Variants in NRF1 observed in about 807,000 individuals in gnomAD.
NRF1 encodes alpha palindromic-binding protein.
Under a neutral mutation model 58.5 loss-of-function variants are expected in NRF1, and 5 were observed. That is an observed-to-expected ratio of 0.09 (90% confidence interval 0.04 to 0.18). NRF1 has a LOEUF of 0.18. Ranked by LOEUF, NRF1 falls within the 10% of genes least tolerant of loss-of-function variation. The pLI, the probability that NRF1 is intolerant of heterozygous loss-of-function variation, is 1.00. For synonymous variants in NRF1, 224 were observed against 246.7 expected, an observed-to-expected ratio of 0.91 and a Z score of 0.86; for missense variants, 288 against 657.7, an observed-to-expected ratio of 0.44 and a Z score of 6.15.
At chr7:129,674,221 A>C (rs1402148359) in intron 3 of NRF1, among the ~76,000 whole-genome samples, 1 of 152,216 alleles carries the variant, frequency 6.6e-6, no homozygotes, top group Non-Finnish European at 1.5e-5. Flanking sequence ...TATCACAATG[A>C]AAATCTGAAG....
intron 4 of NRF1, among the ~76,000 whole-genome samples, chr7:129,687,136 C>G (rs1212496377): frequency 6.6e-6 from 1 of 152,154 alleles, no homozygotes; most frequent in South Asian, 2.1e-4. Flanking sequence ...CTTCTTGTTT[C>G]AGTCATCATT....
At chr7:129,639,679 C>G (rs1801246425) in intron 1 of NRF1, among the ~76,000 whole-genome samples, 1 of 151,754 alleles carries the variant, frequency 6.6e-6, no homozygotes, top group Admixed American at 6.6e-5. Flanking sequence ...TCCCGAGTAG[C>G]TGGGATTATA....
chr7:129,635,631 G>A (rs1011384667), intron 1 of NRF1, among the ~76,000 whole-genome samples: 6 of 152,100 alleles, frequency 3.9e-5, no homozygotes, highest in South Asian at 4.2e-4. Flanking sequence ...CTTTTGGACC[G>A]CAGGGTTCAG....
At chr7:129,647,433 C>T (rs1353526652) in intron 1 of NRF1, among the ~76,000 whole-genome samples, 6 of 143,748 alleles carry the variant, frequency 4.2e-5, no homozygotes, top group Non-Finnish European at 7.5e-5. Context: ...GACAGAGTCT[C>T]GCTGTGTTGC....
chr7:129,738,365 G>C (rs1248024036), intron 10 of NRF1, among the ~76,000 whole-genome samples: 1 of 152,192 alleles, frequency 6.6e-6, no homozygotes, highest in Non-Finnish European at 1.5e-5. Flanking sequence ...CTTTTCCTGG[G>C]AACTGTATGT....
chr7:129,678,607 A>G (rs1802237755), intron 4 of NRF1, among the ~76,000 whole-genome samples: 1 of 152,144 alleles, frequency 6.6e-6, no homozygotes, highest in Non-Finnish European at 1.5e-5. Context: ...AAGCCCTACA[A>G]TTAGGATGTG....
At chr7:129,689,212 G>A (rs1009389797) in intron 4 of NRF1, among the ~76,000 whole-genome samples, 4 of 152,126 alleles carry the variant, frequency 2.6e-5, no homozygotes, top group Non-Finnish European at 5.9e-5. Context: ...GCACCATGTA[G>A]CCAGTAATAA....
chr7:129,754,455 C>A (rs527507931), intron 10 of NRF1, among the ~76,000 whole-genome samples: 5 of 21,632 alleles, frequency 2.3e-4, no homozygotes, highest in Non-Finnish European at 4.7e-4. Flanking sequence ...AGAGCCAGAC[C>A]CTGTCTCTTA....
intron 3 of NRF1, among the ~76,000 whole-genome samples, chr7:129,672,440 T>A (rs1352039320): frequency 6.6e-6 from 1 of 152,074 alleles, no homozygotes; most frequent in Non-Finnish European, 1.5e-5. Context: ...ATCTGACTTA[T>A]ATTTTTAAAG....
At chr7:129,636,471 C>T (rs1801171014) in intron 1 of NRF1, among the ~76,000 whole-genome samples, 1 of 152,146 alleles carries the variant, frequency 6.6e-6, no homozygotes, top group Admixed American at 6.5e-5. Context: ...TGACCTCAAA[C>T]TGCTGACCTC....
intron 10 of NRF1, among the ~76,000 whole-genome samples, chr7:129,750,433 T>G (rs911249276): frequency 2.6e-5 from 4 of 152,220 alleles, no homozygotes; most frequent in African/African-American, 9.6e-5. Flanking sequence ...TCAGAGACAC[T>G]GAGGCGATTT....
chr7:129,615,957 G>C, intron 1 of NRF1, among the ~76,000 whole-genome samples: 1 of 152,130 alleles, frequency 6.6e-6, no homozygotes, highest in East Asian at 1.9e-4. Flanking sequence ...TTTGTTTGAA[G>C]TTATTTTAGT....
chr7:129,667,253 C>T (rs942045465), intron 2 of NRF1, among the ~76,000 whole-genome samples: 1 of 152,172 alleles, frequency 6.6e-6, no homozygotes, highest in African/African-American at 2.4e-5. Flanking sequence ...TCGGTGTTAC[C>T]AGTCTTTTTC....
At chr7:129,714,997 T>C (rs1215146090) in intron 8 of NRF1, among the ~76,000 whole-genome samples, 1 of 152,164 alleles carries the variant, frequency 6.6e-6, no homozygotes, top group Non-Finnish European at 1.5e-5. Flanking sequence ...CCTGAGCTGA[T>C]GGATCACCTG....
At chr7:129,653,669 A>G (rs1198125480) in intron 1 of NRF1, among the ~76,000 whole-genome samples, 1 of 152,106 alleles carries the variant, frequency 6.6e-6, no homozygotes, top group East Asian at 1.9e-4. Flanking sequence ...GGCAACCTCT[A>G]ATCTTTTTAC....
chr7:129,652,283 G>T (rs969816134), intron 1 of NRF1, among the ~76,000 whole-genome samples: 1 of 152,156 alleles, frequency 6.6e-6, no homozygotes, highest in African/African-American at 2.4e-5. Flanking sequence ...GTAAACTCCA[G>T]ATGTGTAGTG....
At chr7:129,625,039 T>C (rs1435127694) in intron 1 of NRF1, among the ~76,000 whole-genome samples, 1 of 152,126 alleles carries the variant, frequency 6.6e-6, no homozygotes, top group African/African-American at 2.4e-5. Flanking sequence ...TTCTGGAGGC[T>C]AGGAGTCTGG....
At position 129,667,222 on chromosome 7, in the gene NRF1, T is replaced by G. The variant is rs754379140; in HGVS notation, c.224-4207T>G. 2.8e-4 allele frequency among the ~76,000 whole-genome samples: 43 copies of G among 152,336 alleles called. 1 individual carries two copies. The highest frequency in any genetic ancestry group is 5.3e-4 in the Non-Finnish European group (36 of 68,030). ...CCCACAAGCAGTATGCTGTAGCGCC[T>G]GTTACTTCTCATTCTCACCATCGGT... is the stretch of plus-strand genomic sequence containing the variant. On this transcript the variant is annotated intron_variant, in intron 2 of 10. Transcript: ENST00000393232.
chr7:129,639,879 T>TC (rs1801251680), intron 1 of NRF1, among the ~76,000 whole-genome samples: 1 of 152,196 alleles, frequency 6.6e-6, no homozygotes, highest in Admixed American at 6.5e-5. Flanking sequence ...GTAATATTTT[T>TC]CTCTTTCCAT....
Sources: allele counts gnomAD v4.1 joint callset (sites outside exome capture counted in the v4.1 genomes callset), GRCh38; gene constraint gnomAD v4.1.1; transcripts MANE v1.5; gene names NCBI Gene and HGNC (gene_info 2026-07-23, HGNC 2026-07-21).